KCNA2: variants seen among roughly 807,000 people sequenced by gnomAD.
The protein encoded by KCNA2 is potassium channel, voltage gated shaker related subfamily A, member 2.
Under a neutral mutation model 33.4 loss-of-function variants are expected in KCNA2, and 11 were observed. The ratio of observed to expected loss-of-function variants is 0.33; its 90% CI spans 0.21 to 0.55. KCNA2 has a LOEUF of 0.55. Ranked by LOEUF, KCNA2 falls within the 20% of genes least tolerant of loss-of-function variation. The pLI, the probability that KCNA2 is intolerant of heterozygous loss-of-function variation, is 0.93. For synonymous variants in KCNA2, 222 were observed against 231.3 expected (o/e 0.96, Z 0.37); for missense variants, 291 against 621.6 (o/e 0.47, Z 5.66).
Position 110,598,138 on chromosome 1 carries a change from C to A in KCNA2, c.*5145G>T, listed in dbSNP as rs1295347166. 2.3e-6 allele frequency: 2 copies of A among 876,456 alleles called. No homozygotes were observed. The highest frequency in any genetic ancestry group is 2.7e-6 in the Non-Finnish European group (2 of 730,544). The allele number at this position is 876,456 out of a possible 1,614,324, so 54.3% of individuals were successfully genotyped here. A position where few individuals can be genotyped will look rare whatever the true frequency, so the allele number is the denominator to read the frequency against. On this transcript the variant is annotated 3_prime_UTR_variant, in exon 3 of 3. Transcript: ENST00000316361. ...TGAGTTCAAACCCGGCAATGGATACCTTGCCAAGGCTAGGGGAACCTCCAT... is the reference window on the plus strand; with the variant it reads ...TGAGTTCAAACCCGGCAATGGATACATTGCCAAGGCTAGGGGAACCTCCAT...
chr1:110,612,909 G>A (rs576804021), intron 1 of KCNA2, among the ~76,000 whole-genome samples: 2 of 152,342 alleles, frequency 1.3e-5, no homozygotes, highest in South Asian at 4.1e-4. Context: ...GGCCTGGGGT[G>A]GAGCCCCTCC....
At chr1:110,614,286 A>G (rs950372043) in intron 1 of KCNA2, among the ~76,000 whole-genome samples, 2 of 152,214 alleles carry the variant, frequency 1.3e-5, no homozygotes, top group African/African-American at 4.8e-5. Context: ...AAAGTGGGCC[A>G]TGTATCAAAG....
chr1:110,598,195 G>A lies in KCNA2; in HGVS notation c.*5088C>T. 1.8e-6 allele frequency: 1 copy of A among 563,842 alleles called. No individual in the cohort carries two copies. The highest frequency in any genetic ancestry group is 2.2e-6 in the Non-Finnish European group (1 of 444,894). The allele number at this position is 563,842 out of a possible 1,614,324, so 34.9% of individuals were successfully genotyped here. ...ACCAAGGAGCACCATGGATATTATAGCCCTCGCAGATGAGGCGGCCATCAC... is the reference window on the plus strand; with the variant it reads ...ACCAAGGAGCACCATGGATATTATAACCCTCGCAGATGAGGCGGCCATCAC... On this transcript the variant is annotated 3_prime_UTR_variant, in exon 3 of 3. Transcript: ENST00000316361.
At position 110,597,745 on chromosome 1, in the gene KCNA2, G is replaced by A; in HGVS notation, c.*5538C>T. On this transcript the variant is annotated 3_prime_UTR_variant, in exon 3 of 3. Transcript: ENST00000316361. ...GTACTATCTATCACTTTTCAGTCCT[G>A]AGAGCAAGATTTTGAAAGAGCTATT... The A allele has an allele frequency of 5.1e-6, 5 of 985,290 alleles. No individual in the cohort carries two copies. The highest frequency in any genetic ancestry group is 6.0e-6 in the Non-Finnish European group (5 of 829,826). 61.0% of individuals were successfully genotyped at this position (985,290 alleles called of 1,614,324 possible). A position where few individuals can be genotyped will look rare whatever the true frequency, so the allele number is the denominator to read the frequency against.
In KCNA2 at chr1:110,594,687, C is replaced by G; in HGVS notation, c.*8596G>C. 1.0e-6 allele frequency: 1 copy of G among 985,362 alleles called. No homozygotes were observed. The highest frequency in any genetic ancestry group is 1.2e-6 in the Non-Finnish European group (1 of 829,968). The allele number at this position is 985,362 out of a possible 1,614,324, so 61.0% of individuals were successfully genotyped here. A position where few individuals can be genotyped will look rare whatever the true frequency, so the allele number is the denominator to read the frequency against. ...GCACGACAACAAAAGGAAACTGGGT[C>G]GCTGGATCCCACGTGAAGGCAGAAC... On this transcript the variant is annotated 3_prime_UTR_variant, in exon 3 of 3. Coordinates refer to ENST00000316361, the MANE Select transcript of KCNA2 (RefSeq NM_004974.4).
rs550810155 is a variant in KCNA2, at chr1:110,623,966, A to G, written c.-496+7429T>C. ...GCACAAAAAGATATCACTACACACT[A>G]CAAAACTGTAATATAAAAGACTGAG... On this transcript the variant is annotated intron_variant, in intron 1 of 4. Coordinates refer to the KCNA2 transcript ENST00000369770. 4.9e-4 allele frequency among the ~76,000 whole-genome samples: 74 copies of G among 152,096 alleles called. 1 individual carries two copies. Among genetic ancestry groups the G allele is most frequent in the Non-Finnish European group, 1.9e-4 (13 of 68,018 alleles).
chr1:110,620,456 C>T (rs920331786), intron 1 of KCNA2, among the ~76,000 whole-genome samples: 2 of 152,184 alleles, frequency 1.3e-5, no homozygotes, highest in African/African-American at 4.8e-5. Flanking sequence ...TGCCCATCGT[C>T]TCACCTGTCT....
chr1:110,595,807 T>G lies in KCNA2; in HGVS notation c.*7476A>C. ...ATTGCCACAAACCTCACCTTCTGTG[T>G]GGCAGAGATGTGCTTTAGTTCTTCA... On this transcript the variant is annotated 3_prime_UTR_variant, in exon 3 of 3. Transcript: ENST00000316361. 1 of 985,476 alleles carries G rather than the reference T, an allele frequency of 1.0e-6. No homozygotes were observed. The highest frequency in any genetic ancestry group is 1.2e-6 in the Non-Finnish European group (1 of 829,948). 61.0% of individuals were successfully genotyped at this position (985,476 alleles called of 1,614,324 possible). A position where few individuals can be genotyped will look rare whatever the true frequency, so the allele number is the denominator to read the frequency against.
chr1:110,613,259 A>G (rs1050074820), intron 1 of KCNA2, among the ~76,000 whole-genome samples: 2 of 152,170 alleles, frequency 1.3e-5, no homozygotes, highest in African/African-American at 4.8e-5. Context: ...TCCACCCACC[A>G]ACAATATGCT....
intron 1 of KCNA2, among the ~76,000 whole-genome samples, chr1:110,616,876 G>C (rs1005319632): frequency 3.3e-5 from 5 of 152,244 alleles, no homozygotes; most frequent in Non-Finnish European, 5.9e-5. Context: ...GATGGATAAG[G>C]AAGCAGAATT....
chr1:110,610,919 GCTCA>G (rs1287981285), upstream of KCNA2, among the ~76,000 whole-genome samples: 4 of 152,126 alleles, frequency 2.6e-5, no homozygotes, highest in African/African-American at 9.7e-5. Flanking sequence ...TGCGACCCAA[GCTCA>G]CTCACTTGAC....
intron 1 of KCNA2, among the ~76,000 whole-genome samples, chr1:110,617,344 C>T (rs1650099530): frequency 6.6e-6 from 1 of 152,126 alleles, no homozygotes; most frequent in Non-Finnish European, 1.5e-5. Context: ...GTGCCAGGAG[C>T]GAGCAGTGTG....
Position 110,604,854 on chromosome 1 carries a change from T to C in KCNA2, c.-72A>G. The C allele has an allele frequency of 1.4e-6, 2 of 1,417,882 alleles. No homozygotes were observed. Among genetic ancestry groups the C allele is most frequent in the Non-Finnish European group, 9.7e-7 (1 of 1,035,504 alleles). The allele number at this position is 1,417,882 out of a possible 1,614,324, so 87.8% of individuals were successfully genotyped here. On this transcript the variant is annotated 5_prime_UTR_variant, in exon 3 of 3. Transcript: ENST00000316361. This position sits in a 1 kb window ranked among gnomAD's most constrained non-coding sequence, Gnocchi z 7.6. ...GGTGGCAGGGAGCTCAGGGTGCTGC[T>C]ACTGGCCCCAGGAAGCACAGGAGCA...
chr1:110,603,718 C>G lies in KCNA2; in HGVS notation c.1065G>C (p.Glu355Asp), dbSNP rs1308544471. The G allele has an allele frequency of 3.1e-6, 5 of 1,613,908 alleles. No homozygotes were observed. The highest frequency in any genetic ancestry group is 8.5e-7 in the Non-Finnish European group (1 of 1,180,034). ...AVYFAEADER[E>D]SQFPSIPDAF... ...CATCTGGGATGCTGGGGAACTGGGA[C>G]TCTCGCTCATCGGCCTCTGCAAAAT... The change falls in exon 3 of 3, where the codon GAG (glutamate) becomes GAC (aspartate). Residue 355 changes from glutamate (E) to aspartate (D), a missense_variant. Physicochemically the swap from Glu to Asp is conservative, Grantham distance 45. Transcript: ENST00000316361. This position sits in a 1 kb window ranked among gnomAD's most constrained non-coding sequence, Gnocchi z 5.7.
chr1:110,610,984 C>T (rs1364883721), upstream of KCNA2, among the ~76,000 whole-genome samples: 3 of 151,392 alleles, frequency 2.0e-5, no homozygotes, highest in Non-Finnish European at 4.4e-5. Flanking sequence ...TAGCCCCGCC[C>T]ACCCCCTTGC....
In KCNA2 at chr1:110,596,938, G is replaced by C. The variant is rs1649121422; in HGVS notation, c.*6345C>G. The C allele has an allele frequency of 1.0e-6, 1 of 985,314 alleles. No homozygotes were observed. Among genetic ancestry groups the C allele is most frequent in the African/African-American group, 1.7e-5 (1 of 57,240 alleles). The allele number at this position is 985,314 out of a possible 1,614,324, so 61.0% of individuals were successfully genotyped here. A position where few individuals can be genotyped will look rare whatever the true frequency, so the allele number is the denominator to read the frequency against. ...TTTAAGCTCACAGATGTTAGGAAAGGGGACTCTTCTGAAGCCCCTGGCTAT... is the reference window on the plus strand; with the variant it reads ...TTTAAGCTCACAGATGTTAGGAAAGCGGACTCTTCTGAAGCCCCTGGCTAT... On this transcript the variant is annotated 3_prime_UTR_variant, in exon 3 of 3. Transcript: ENST00000316361.
intron 1 of KCNA2, among the ~76,000 whole-genome samples, chr1:110,613,384 C>G (rs1400932870): frequency 6.6e-6 from 1 of 152,246 alleles, no homozygotes; most frequent in Non-Finnish European, 1.5e-5. Context: ...CCCTTGCATA[C>G]TGGTATCTGC....
At chr1:110,619,585 C>T (rs748405198) in intron 1 of KCNA2, among the ~76,000 whole-genome samples, 1 of 152,260 alleles carries the variant, frequency 6.6e-6, no homozygotes, top group Non-Finnish European at 1.5e-5. Context: ...TCTGGGAGGG[C>T]TGCGGCCGTC....
In KCNA2 at chr1:110,630,241, A is replaced by G. The variant is rs9943183; in HGVS notation, c.-496+1154T>C. On this transcript the variant is annotated intron_variant, in intron 1 of 4. Coordinates refer to the KCNA2 transcript ENST00000369770. ...TCTCCATGTTGGTCAGGCTGGTCTC[A>G]AACTCCTGACCTCAGGTGATCCGCC... Among the ~76,000 whole-genome samples, 1,083 of 152,050 alleles carry G rather than the reference A, an allele frequency of 7.1e-3. 13 individuals are homozygous for G. The highest frequency in any genetic ancestry group is 0.025 in the African/African-American group (1,034 of 41,458).
Sources: gnomAD v4.1 joint callset for allele counts (sites outside exome capture counted in the v4.1 genomes callset) on GRCh38, gnomAD v4.1.1 for gene constraint, Gnocchi (gnomAD v3.1) non-coding constraint, MANE v1.5 for transcripts, NCBI Gene and HGNC (gene_info 2026-07-23, HGNC 2026-07-21) for gene names.